The following IYD variants were observed in gnomAD, a reference collection of about 807,000 sequenced individuals.
The protein encoded by IYD is iodotyrosine deiodinase, also known as iodotyrosine deiodinase 1.
Under a neutral mutation model 28.4 loss-of-function variants are expected in IYD, and 25 were observed. The observed-to-expected ratio is 0.88, with a 90% confidence interval of 0.64 to 1.23. The LOEUF (loss-of-function observed/expected upper bound fraction) is 1.23. IYD is among the 50% of genes most tolerant of loss of function. The pLI is 0.00. For synonymous variants in IYD, 140 were observed against 130.8 expected (o/e 1.07, Z -0.48); for missense variants, 352 against 357.9 (o/e 0.98, Z 0.13).
intron 4 of IYD, chr6:150,396,163 A>G (rs1313023121): frequency 3.7e-6 from 1 of 271,250 alleles, no homozygotes; most frequent in Non-Finnish European, 6.8e-6. Flanking sequence ...TTCATTGGTG[A>G]TAAAGTCATA....
At chr6:150,372,467 G>A (rs376124455) in intron 1 of IYD, among the ~76,000 whole-genome samples, 3 of 63,254 alleles carry the variant, frequency 4.7e-5, no homozygotes, top group African/African-American at 1.5e-4. Flanking sequence ...GGGTGGTGAG[G>A]GAACATTGTG....
chr6:150,374,570 G>T (rs951118738), intron 1 of IYD, among the ~76,000 whole-genome samples: 2 of 152,152 alleles, frequency 1.3e-5, no homozygotes, highest in African/African-American at 4.8e-5. Context: ...AGCGAAAGGG[G>T]CTTCCCCTTA....
At chr6:150,390,991 C>T (rs762234580) in intron 2 of IYD, among the ~76,000 whole-genome samples, 1 of 152,126 alleles carries the variant, frequency 6.6e-6, no homozygotes, top group Admixed American at 6.5e-5. Context: ...GTAATCCCAG[C>T]ACTTTGGGAG....
intron 1 of IYD, among the ~76,000 whole-genome samples, chr6:150,379,821 A>C (rs1408536033): frequency 6.6e-6 from 1 of 152,168 alleles, no homozygotes; most frequent in Non-Finnish European, 1.5e-5. Flanking sequence ...CATTGGGTCC[A>C]TTCATTCCCC....
chr6:150,393,301 C>T (rs1472692926), intron 3 of IYD, among the ~76,000 whole-genome samples: 12 of 152,150 alleles, frequency 7.9e-5, no homozygotes, highest in Non-Finnish European at 1.5e-5. Flanking sequence ...AAAGCGTTAC[C>T]ATTTTCCCTC....
At chr6:150,380,197 A>G (rs1307141303) in intron 1 of IYD, among the ~76,000 whole-genome samples, 1 of 152,188 alleles carries the variant, frequency 6.6e-6, no homozygotes, top group East Asian at 1.9e-4. Context: ...TGCATTATAC[A>G]TAGTATTTGG....
intron 1 of IYD, among the ~76,000 whole-genome samples, chr6:150,389,083 C>A (rs1778012657): frequency 6.6e-6 from 1 of 152,192 alleles, no homozygotes; most frequent in South Asian, 2.1e-4. Flanking sequence ...TAGCTCACTG[C>A]AGCCTTGAAC....
chr6:150,371,029 T>A (rs1777221092), intron 1 of IYD, among the ~76,000 whole-genome samples: 1 of 151,736 alleles, frequency 6.6e-6, no homozygotes, highest in Non-Finnish European at 1.5e-5. Context: ...AAATAATGAA[T>A]CCACAAAGTG....
intron 1 of IYD, among the ~76,000 whole-genome samples, chr6:150,377,429 G>A (rs1777488192): frequency 1.3e-5 from 2 of 152,162 alleles, no homozygotes; most frequent in South Asian, 4.1e-4. Context: ...TCATTCCCCA[G>A]CCATAGTATA....
intron 1 of IYD, among the ~76,000 whole-genome samples, chr6:150,373,106 G>A (rs1777330029): frequency 6.6e-6 from 1 of 152,074 alleles, no homozygotes; most frequent in South Asian, 2.1e-4. Flanking sequence ...AGCTTCACTG[G>A]CCATCCAAAA....
chr6:150,369,791 G>C (rs1270804877), intron 1 of IYD, among the ~76,000 whole-genome samples: 1 of 152,160 alleles, frequency 6.6e-6, no homozygotes, highest in African/African-American at 2.4e-5. Context: ...TCAGGGAAAG[G>C]ACAAACCAGG....
At position 150,402,932 on chromosome 6, in the gene IYD, A is replaced by G. The variant is rs1463111518; in HGVS notation, c.*4695A>G. 1 of 152,254 alleles carries G rather than the reference A, an allele frequency of 6.6e-6. No homozygotes were observed. The highest frequency in any genetic ancestry group is 1.5e-5 in the Non-Finnish European group (1 of 68,056). 9.4% of individuals were successfully genotyped at this position (152,254 alleles called of 1,614,324 possible). ...ACAAACTTACAAAGATGATCCACCA[A>G]TAGTTTTCTCTATTTACTTTATTCT... On this transcript the variant is annotated 3_prime_UTR_variant, in exon 5 of 5. Transcript: ENST00000344419.
intron 2 of IYD, among the ~76,000 whole-genome samples, chr6:150,391,865 C>A (rs1401256403): frequency 6.6e-6 from 1 of 151,932 alleles, no homozygotes; most frequent in East Asian, 1.9e-4. Context: ...CCCACCACCA[C>A]ACCCGGGTAA....
chr6:150,381,406 A>T (rs1478770954), intron 1 of IYD, among the ~76,000 whole-genome samples: 7 of 152,176 alleles, frequency 4.6e-5, no homozygotes, highest in Non-Finnish European at 8.8e-5. Flanking sequence ...CAGTTGACTT[A>T]TTCCTGATTC....
chr6:150,384,341 A>G (rs1048782391), intron 1 of IYD: 3 of 152,208 alleles, frequency 2.0e-5, no homozygotes, highest in African/African-American at 4.8e-5. Flanking sequence ...TGTTTACTCC[A>G]TGGGCAGCCT....
At chr6:150,390,590 C>T (rs1582794431) in intron 2 of IYD, among the ~76,000 whole-genome samples, 1 of 152,138 alleles carries the variant, frequency 6.6e-6, no homozygotes, top group Non-Finnish European at 1.5e-5. Flanking sequence ...CAAGCAAGAA[C>T]CCCACCAAGA....
chr6:150,394,686 G>T (rs931072491), intron 4 of IYD, among the ~76,000 whole-genome samples: 3 of 152,238 alleles, frequency 2.0e-5, no homozygotes. Flanking sequence ...GCATTAGGAA[G>T]AAGGTCATGT....
Position 150,369,158 on chromosome 6 carries a change from T to A in IYD, c.127T>A (p.Trp43Arg). Residue 43 changes from tryptophan to arginine, a missense_variant, in exon 1 of 5, where the codon TGG becomes AGG. Coordinates refer to ENST00000344419, the MANE Select transcript of IYD (RefSeq NM_203395.3). ...TAGAACCAGGGCCGAAGCTCGCCCC[T>A]GGGTGGATGAAGACTTAAAAGACAG... ...EPRTRAEARP[W>R]VDEDLKDSSD... 1.2e-6 allele frequency: 2 copies of A among 1,613,800 alleles called. No homozygotes were observed. Among genetic ancestry groups the A allele is most frequent in the Non-Finnish European group, 1.7e-6 (2 of 1,179,976 alleles).
chr6:150,392,715 A>G (rs1372318349), intron 3 of IYD, among the ~76,000 whole-genome samples: 1 of 152,214 alleles, frequency 6.6e-6, no homozygotes, highest in Non-Finnish European at 1.5e-5. Context: ...TGCTTAGTAA[A>G]TAATTGAGGA....
Sources: allele counts gnomAD v4.1 joint callset (sites outside exome capture counted in the v4.1 genomes callset), GRCh38; gene constraint gnomAD v4.1.1; transcripts MANE v1.5; gene names NCBI Gene and HGNC (gene_info 2026-07-23, HGNC 2026-07-21).